Variants in MYO18B observed in about 807,000 individuals in gnomAD.
MYO18B encodes myosin XVIIIB.
A neutral mutation model predicts 273.0 loss-of-function variants in MYO18B; 204 were observed. The observed-to-expected ratio is 0.75, with a 90% CI of 0.67 to 0.84. The LOEUF is 0.84. MYO18B is among the 40% of genes least tolerant of loss of function. The pLI is 0.00. For missense variants in MYO18B, 3,212 were observed against 3,287.6 expected, an observed-to-expected ratio of 0.98 and a Z score of 0.56; for synonymous variants, 1,330 against 1,305.7, an observed-to-expected ratio of 1.02 and a Z score of -0.40.
intron 37 of MYO18B, among the ~76,000 whole-genome samples, chr22:25,951,647 A>G (rs576906435): frequency 6.6e-6 from 1 of 152,356 alleles, no homozygotes; most frequent in Non-Finnish European, 1.5e-5. Context: ...GCTATTATCC[A>G]TGAAATTTTC....
intron 1 of MYO18B, among the ~76,000 whole-genome samples, chr22:25,751,192 C>T (rs1002395095): frequency 6.6e-6 from 1 of 152,198 alleles, no homozygotes; most frequent in African/African-American, 2.4e-5. Flanking sequence ...CTGATTTTGT[C>T]GTGTCCCCTC....
the MYO18B span, among the ~76,000 whole-genome samples, chr22:26,047,966 G>A: frequency 8.6e-5 from 13 of 151,990 alleles, no homozygotes; most frequent in Non-Finnish European, 1.5e-4. Flanking sequence ...CTTCTCTTTT[G>A]CTGTTCCTTG....
intron 42 of MYO18B, among the ~76,000 whole-genome samples, chr22:26,020,908 G>C (rs1222960024): frequency 6.6e-6 from 1 of 152,112 alleles, no homozygotes; most frequent in Non-Finnish European, 1.5e-5. Context: ...GACCAACATG[G>C]TGAAACCCTA....
chr22:25,975,054 G>T (rs7292234), intron 39 of MYO18B, among the ~76,000 whole-genome samples: 1 of 151,968 alleles, frequency 6.6e-6, no homozygotes, highest in Non-Finnish European at 1.5e-5. Flanking sequence ...CAAGCCCCTC[G>T]ATCAGAAGCA....
chr22:25,778,800 T>A (rs1260201925), intron 8 of MYO18B, among the ~76,000 whole-genome samples: 1 of 151,216 alleles, frequency 6.6e-6, no homozygotes, highest in East Asian at 1.9e-4. Flanking sequence ...CCTGAACTTT[T>A]TTTTTTTTAA....
At chr22:25,757,671 AG>A (rs1430835249) in intron 1 of MYO18B, among the ~76,000 whole-genome samples, 5 of 152,012 alleles carry the variant, frequency 3.3e-5, no homozygotes, top group Admixed American at 6.6e-5. Context: ...GTCTCTCAGG[AG>A]GGGTCAGTGA....
At chr22:25,957,329 T>G (rs1481015752) in intron 39 of MYO18B, among the ~76,000 whole-genome samples, 1 of 152,252 alleles carries the variant, frequency 6.6e-6, no homozygotes, top group African/African-American at 2.4e-5. Context: ...GGCCATATTC[T>G]GATCTTGAAA....
At chr22:25,932,376 T>C (rs559813127) in intron 34 of MYO18B, among the ~76,000 whole-genome samples, 1 of 150,366 alleles carries the variant, frequency 6.7e-6, no homozygotes, top group Non-Finnish European at 1.5e-5. Context: ...CTTTCCTTCT[T>C]TCTCTTTTCT....
chr22:26,042,120 A>G, the MYO18B span, among the ~76,000 whole-genome samples: 692 of 152,312 alleles, frequency 4.5e-3, 14 homozygotes, highest in East Asian at 0.062. Flanking sequence ...CCCATCAAGC[A>G]TGTGTCAGAG....
intron 12 of MYO18B, among the ~76,000 whole-genome samples, chr22:25,799,116 A>C (rs545238107): frequency 8.5e-6 from 1 of 118,020 alleles, no homozygotes. Context: ...TTATCACCTT[A>C]TGCGGTGTTT....
In MYO18B at chr22:26,004,698, G is replaced by A; in HGVS notation, c.6333-20G>A. On this transcript the variant is annotated intron_variant, in intron 41 of 43. Coordinates refer to ENST00000335473, the MANE Select transcript of MYO18B (RefSeq NM_032608.7). The stretch of plus-strand genomic sequence containing the variant: ...CTGTGATTGTCATTGTGCTGATGGT[G>A]TCCTGCAATCTTATTCTAGGGATAA... The A allele has an allele frequency of 2.5e-6, 4 of 1,612,892 alleles. No individual in the cohort carries two copies. The highest frequency in any genetic ancestry group is 1.7e-5 in the Admixed American group (1 of 59,894).
chr22:26,050,066 A>G, the MYO18B span, among the ~76,000 whole-genome samples: 1 of 152,216 alleles, frequency 6.6e-6, no homozygotes, highest in Admixed American at 6.5e-5. Context: ...AGCACTATTT[A>G]TCTCTGGTAG....
chr22:25,753,240 G>A (rs2331154), intron 1 of MYO18B, among the ~76,000 whole-genome samples: 1 of 151,904 alleles, frequency 6.6e-6, no homozygotes, highest in East Asian at 1.9e-4. Context: ...GGCGGGTGTG[G>A]GGGGGGCGGG....
chr22:25,767,475 A>C (rs1205200525), intron 3 of MYO18B, among the ~76,000 whole-genome samples: 4 of 152,182 alleles, frequency 2.6e-5, no homozygotes, highest in Admixed American at 2.0e-4. Context: ...CATCCTATAA[A>C]AGATCTGGAT....
chr22:25,808,421 T>C (rs2088583380), intron 12 of MYO18B, among the ~76,000 whole-genome samples: 1 of 152,138 alleles, frequency 6.6e-6, no homozygotes, highest in South Asian at 2.1e-4. Context: ...GATCTTGCAA[T>C]CTTTGTCAAA....
intron 39 of MYO18B, among the ~76,000 whole-genome samples, chr22:25,977,011 T>C (rs2093097198): frequency 6.6e-6 from 1 of 152,210 alleles, no homozygotes; most frequent in Non-Finnish European, 1.5e-5. Context: ...TGAATGTAAC[T>C]TGGGCTGCAC....
chr22:25,880,073 A>G (rs2091297143), intron 25 of MYO18B, among the ~76,000 whole-genome samples: 1 of 152,166 alleles, frequency 6.6e-6, no homozygotes, highest in African/African-American at 2.4e-5. Context: ...ATATGCTATT[A>G]TGTTGCATGT....
chr22:26,002,074 TG>T (rs1159518882), intron 40 of MYO18B, among the ~76,000 whole-genome samples: 1 of 152,206 alleles, frequency 6.6e-6, no homozygotes, highest in African/African-American at 2.4e-5. Context: ...TGAACATCTT[TG>T]GGGACCATTA....
Position 25,847,619 on chromosome 22 carries a change from C to A in MYO18B, c.3742C>A (p.His1248Asn). ...ACTGAGGGTCCAGCTTGCTGGGTTC[C>A]ACATCCTGGAGGCTCTGCGTCTGCA... The part of the protein sequence containing the change: ...PALRVQLAGF[H>N]ILEALRLHRT... Residue 1248 changes from histidine (H) to asparagine (N), a missense_variant, in exon 20 of 44, where the codon CAC becomes AAC. Coordinates refer to ENST00000335473, the MANE Select transcript of MYO18B (RefSeq NM_032608.7). The A allele has an allele frequency of 6.4e-7, 1 of 1,562,458 alleles. No individual in the cohort carries two copies. The highest frequency in any genetic ancestry group is 2.4e-5 in the East Asian group (1 of 41,794).
Sources: allele counts gnomAD v4.1 joint callset (sites outside exome capture counted in the v4.1 genomes callset), GRCh38; gene constraint gnomAD v4.1.1; transcripts MANE v1.5; gene names NCBI Gene and HGNC (gene_info 2026-07-23, HGNC 2026-07-21).